The following BCAS3 variants were observed in gnomAD, a reference collection of about 807,000 sequenced individuals.
BCAS3 encodes BCAS4/BCAS3 fusion.
A neutral mutation model predicts 116.1 loss-of-function variants in BCAS3; 53 were observed. The ratio of observed to expected loss-of-function variants is 0.46; its 90% CI spans 0.37 to 0.57. The LOEUF (loss-of-function observed/expected upper bound fraction) is 0.57. Ranked by LOEUF, BCAS3 falls within the 20% of genes least tolerant of loss-of-function variation. The pLI is 0.00. For synonymous variants in BCAS3, 391 were observed against 408.2 expected, an observed-to-expected ratio of 0.96 and a Z score of 0.51; for missense variants, 917 against 1,165.4, an observed-to-expected ratio of 0.79 and a Z score of 3.10.
chr17:60,977,503 A>G (rs900825757), intron 14 of BCAS3, among the ~76,000 whole-genome samples: 1 of 150,752 alleles, frequency 6.6e-6, no homozygotes, highest in Non-Finnish European at 1.5e-5. Flanking sequence ...TATTATTATT[A>G]TTATTATTAT....
At chr17:61,164,259 G>GT (rs1274631352) in intron 22 of BCAS3, among the ~76,000 whole-genome samples, 2 of 152,082 alleles carry the variant, frequency 1.3e-5, no homozygotes, top group Non-Finnish European at 2.9e-5. Context: ...GTTCAGGGTA[G>GT]TTTTTTATTA....
At position 60,678,956 on chromosome 17, in the gene BCAS3, G is replaced by C. The variant is rs550178215; in HGVS notation, c.-5-497G>C. On this transcript the variant is annotated intron_variant, in intron 1 of 23. Coordinates refer to ENST00000407086, the MANE Select transcript of BCAS3 (RefSeq NM_017679.5). ...AAAACAAAACAGGATGGGCGCGGTG[G>C]CTCAAGCCTATAATCCCAGCACTTT... Among the ~76,000 whole-genome samples the C allele has an allele frequency of 1.8e-4, 28 of 152,308 alleles. No homozygotes were observed. The South Asian group carries it at 5.2e-3, about 28-fold the overall frequency.
chr17:60,901,463 T>A (rs2057890595), intron 10 of BCAS3, among the ~76,000 whole-genome samples: 1 of 152,212 alleles, frequency 6.6e-6, no homozygotes, highest in African/African-American at 2.4e-5. Flanking sequence ...TTTATTGTAC[T>A]CTATGTGAAA....
At chr17:61,350,565 A>G (rs1405014530) in intron 22 of BCAS3, among the ~76,000 whole-genome samples, 2 of 152,152 alleles carry the variant, frequency 1.3e-5, no homozygotes, top group Non-Finnish European at 2.9e-5. Context: ...CAAGATATGG[A>G]AACAATCTGT....
chr17:61,088,091 A>G lies in BCAS3; in HGVS notation c.2425+3527A>G, dbSNP rs150639223. Among the ~76,000 whole-genome samples the G allele has an allele frequency of 3.8e-3, 586 of 152,338 alleles. 5 individuals carry two copies. Among genetic ancestry groups the G allele is most frequent in the African/African-American group, 0.013 (554 of 41,574 alleles). ...CAGCTACTCAGGAGGCTGAGGCACA[A>G]GAATTGCTTGAACCCGGGAGGCAGA... On this transcript the variant is annotated intron_variant, in intron 22 of 23. Coordinates refer to ENST00000407086, the MANE Select transcript of BCAS3 (RefSeq NM_017679.5). This position sits in a 1 kb window ranked among gnomAD's most constrained non-coding sequence, Gnocchi z 4.2.
chr17:60,795,606 G>T (rs2047145672), intron 6 of BCAS3, among the ~76,000 whole-genome samples: 1 of 152,144 alleles, frequency 6.6e-6, no homozygotes, highest in Admixed American at 6.5e-5. Context: ...TGATGATTTT[G>T]CCAAGAGTTC....
At chr17:60,743,971 A>G (rs2041819526) in intron 5 of BCAS3, among the ~76,000 whole-genome samples, 1 of 152,204 alleles carries the variant, frequency 6.6e-6, no homozygotes, top group Admixed American at 6.6e-5. Context: ...CAGTGTGAAC[A>G]AATCATTCTT....
chr17:61,297,506 T>G (rs9902978), intron 22 of BCAS3, among the ~76,000 whole-genome samples: 1 of 151,980 alleles, frequency 6.6e-6, no homozygotes, highest in African/African-American at 2.4e-5. Context: ...TAAACCCTCC[T>G]GTTATTTCCA....
intron 7 of BCAS3, among the ~76,000 whole-genome samples, chr17:60,842,344 G>T (rs1232900340): frequency 6.6e-6 from 1 of 151,958 alleles, no homozygotes; most frequent in Admixed American, 6.6e-5. Context: ...TACATTTGGT[G>T]AATTAGGATA....
rs934775774 is a variant in BCAS3, at chr17:60,714,116, C to T, written c.321+4791C>T. On this transcript the variant is annotated intron_variant, in intron 5 of 23. Transcript: ENST00000407086. ...CCTCCCAAAGTGCTGGGATTACAGG[C>T]GTGAGCTACCGTGCCTGGCCTGCTT... Among the ~76,000 whole-genome samples the T allele has an allele frequency of 1.4e-4, 21 of 152,168 alleles. No homozygotes were observed. The East Asian group carries it at 2.7e-3, about 20-fold the overall frequency.
Position 61,386,079 on chromosome 17 carries a change from G to A in BCAS3, c.2594-5898G>A, listed in dbSNP as rs189532781. Among the ~76,000 whole-genome samples, 592 of 152,288 alleles carry A rather than the reference G, an allele frequency of 3.9e-3. 4 individuals carry two copies. Among genetic ancestry groups the A allele is most frequent in the Non-Finnish European group, 5.9e-3 (399 of 68,028 alleles). On this transcript the variant is annotated intron_variant, in intron 23 of 23. Transcript: ENST00000407086. ...TAACTCACATTTGCTGACTGGAAGC[G>A]TTAAGCACTTTGTGATGCACTCTAC... is the stretch of plus-strand genomic sequence containing the variant.
Position 61,089,002 on chromosome 17 carries a change from G to A in BCAS3, c.2425+4438G>A, listed in dbSNP as rs112180371. On this transcript the variant is annotated intron_variant, in intron 22 of 23. Coordinates refer to ENST00000407086, the MANE Select transcript of BCAS3 (RefSeq NM_017679.5). ...TAAGAAAAATGACTTCTTATCCTGA[G>A]CAGCCTTGGATCATAAGGTATTAGT... Among the ~76,000 whole-genome samples, 222 of 152,254 alleles carry A rather than the reference G, an allele frequency of 1.5e-3. 1 individual carries two copies. The highest frequency in any genetic ancestry group is 4.6e-3 in the African/African-American group (191 of 41,554).
At chr17:61,358,492 C>T (rs1017982099) in intron 22 of BCAS3, among the ~76,000 whole-genome samples, 8 of 132,790 alleles carry the variant, frequency 6.0e-5, no homozygotes, top group African/African-American at 1.9e-4. Flanking sequence ...TAGTTGGGCA[C>T]GTTTTTAATT....
intron 19 of BCAS3, among the ~76,000 whole-genome samples, chr17:61,061,550 A>G (rs1329038764): frequency 1.3e-5 from 2 of 152,228 alleles, no homozygotes; most frequent in Non-Finnish European, 2.9e-5. Context: ...AGATGGGTAC[A>G]TCGATTACTG....
At chr17:61,170,829 A>G (rs990779269) in intron 22 of BCAS3, among the ~76,000 whole-genome samples, 2 of 152,088 alleles carry the variant, frequency 1.3e-5, no homozygotes, top group African/African-American at 4.8e-5. Context: ...CCGAGAGGAA[A>G]GAGCTGTACA....
At chr17:60,806,212 A>T (rs1170329964) in intron 6 of BCAS3, among the ~76,000 whole-genome samples, 2 of 152,054 alleles carry the variant, frequency 1.3e-5, no homozygotes, top group Non-Finnish European at 2.9e-5. Flanking sequence ...TGAACAAAGA[A>T]TGACATTTAT....
At chr17:61,197,309 G>A (rs970237346) in intron 22 of BCAS3, among the ~76,000 whole-genome samples, 5 of 152,146 alleles carry the variant, frequency 3.3e-5, no homozygotes, top group African/African-American at 1.2e-4. Context: ...AAATTGAATG[G>A]CAAGCAGCAC....
rs1432489364 is a variant in BCAS3, at chr17:61,222,020, T to C, written c.2425+137456T>C. Among the ~76,000 whole-genome samples, 1 of 152,232 alleles carries C rather than the reference T, an allele frequency of 6.6e-6. No homozygotes were observed. On this transcript the variant is annotated intron_variant, in intron 22 of 23. Transcript: ENST00000407086. The surrounding 1 kb of genome is among the most constrained non-coding windows in gnomAD (Gnocchi z 6.1). Reference sequence around the variant, plus strand: ...CGGTGACGTGCTTAACAGGGGCTGATATTACTATTACTATTAAGAATACAT... The same window carrying C: ...CGGTGACGTGCTTAACAGGGGCTGACATTACTATTACTATTAAGAATACAT...
Position 61,388,646 on chromosome 17 carries a change from C to G in BCAS3, c.2594-3331C>G. On this transcript the variant is annotated intron_variant, in intron 23 of 23. Coordinates refer to ENST00000407086, the MANE Select transcript of BCAS3 (RefSeq NM_017679.5). The surrounding 1 kb of genome is among the most constrained non-coding windows in gnomAD (Gnocchi z 6.5). The stretch of plus-strand genomic sequence containing the variant: ...AAAAAAAAGGAAAAAAAAAACAATG[C>G]CAACAGCCCAGCGTCCGTGAGCAAC... 1 of 1,541,306 alleles carries G rather than the reference C, an allele frequency of 6.5e-7. No individual in the cohort carries two copies. The highest frequency in any genetic ancestry group is 8.7e-7 in the Non-Finnish European group (1 of 1,150,632).
Sources: allele counts gnomAD v4.1 joint callset (sites outside exome capture counted in the v4.1 genomes callset), GRCh38; gene constraint gnomAD v4.1.1; non-coding constraint Gnocchi (gnomAD v3.1); transcripts MANE v1.5; gene names NCBI Gene and HGNC (gene_info 2026-07-23, HGNC 2026-07-21).